SLC7A11: variants seen among roughly 807,000 people sequenced by gnomAD.
The protein encoded by SLC7A11 is solute carrier family 7 member 11.
A neutral mutation model predicts 54.5 loss-of-function variants in SLC7A11; 35 were observed. The ratio of observed to expected loss-of-function variants is 0.64; its 90% CI spans 0.49 to 0.85. The LOEUF is 0.85. Ranked by LOEUF, SLC7A11 falls within the 40% of genes least tolerant of loss-of-function variation. SLC7A11 has a pLI of 0.00. For missense variants in SLC7A11, 583 were observed against 618.1 expected, an observed-to-expected ratio of 0.94 and a Z score of 0.60; for synonymous variants, 230 against 225.2, an observed-to-expected ratio of 1.02 and a Z score of -0.19.
chr4:138,178,317 C>CT (rs2148409984), intron 11 of SLC7A11: 1 of 152,136 alleles, frequency 6.6e-6, no homozygotes, highest in African/African-American at 2.4e-5. Flanking sequence ...TTAACTCATT[C>CT]TTTTTTATGG....
rs540611841 is a variant in SLC7A11, at chr4:138,170,252, A to G, written c.*1704T>C. 0.011 allele frequency: 980 copies of G among 86,138 alleles called. 8 individuals carry two copies. Among genetic ancestry groups the G allele is most frequent in the African/African-American group, 0.027 (638 of 23,376 alleles). 5.3% of individuals were successfully genotyped at this position (86,138 alleles called of 1,614,324 possible). A position where few individuals can be genotyped will look rare whatever the true frequency, so the allele number is the denominator to read the frequency against. ...ATAAAAAGTGTGTGTGTGTGTGTGT[A>G]TATATATATATATATATATACACAC... On this transcript the variant is annotated 3_prime_UTR_variant, in exon 12 of 12. Coordinates refer to ENST00000280612, the MANE Select transcript of SLC7A11 (RefSeq NM_014331.4).
At chr4:138,234,849 G>A (rs35099716) in intron 2 of SLC7A11, among the ~76,000 whole-genome samples, 69,505 of 151,982 alleles carry the variant, frequency 0.46, 16,468 homozygotes, top group Middle Eastern at 0.62. Context: ...TCCAAAGCCC[G>A]CCAGCCTGAC....
At chr4:138,223,048 C>T in intron 4 of SLC7A11, 151 bp downstream of exon 4, 2 of 617,386 alleles carry the variant, frequency 3.2e-6, no homozygotes, top group Non-Finnish European at 5.4e-6. Context: ...CACAATGTAG[C>T]AGCCTTTCAA....
chr4:138,173,466 C>G (rs1736488204), intron 11 of SLC7A11, among the ~76,000 whole-genome samples: 1 of 151,862 alleles, frequency 6.6e-6, no homozygotes, highest in Non-Finnish European at 1.5e-5. Flanking sequence ...GAAACCCCAT[C>G]TCTACTAAAA....
chr4:138,224,864 A>G (rs1737905203), intron 3 of SLC7A11, among the ~76,000 whole-genome samples: 1 of 151,572 alleles, frequency 6.6e-6, no homozygotes, highest in Admixed American at 6.6e-5. Flanking sequence ...GGAAGGAGAA[A>G]TAGATCTGGA....
Position 138,167,696 on chromosome 4 carries a change from T to C in SLC7A11, c.*4260A>G, listed in dbSNP as rs904523916. The C allele has an allele frequency of 9.2e-5, 14 of 152,316 alleles. No homozygotes were observed. Among genetic ancestry groups the C allele is most frequent in the South Asian group, 6.2e-4 (3 of 4,828 alleles). 9.4% of individuals were successfully genotyped at this position (152,316 alleles called of 1,614,324 possible). A position where few individuals can be genotyped will look rare whatever the true frequency, so the allele number is the denominator to read the frequency against. On this transcript the variant is annotated 3_prime_UTR_variant, in exon 12 of 12. Coordinates refer to ENST00000280612, the MANE Select transcript of SLC7A11 (RefSeq NM_014331.4). ...GAGCTTCTTCCCAGTTGTTATACAA[T>C]GCCATATTTTAATTCCTGACTGAAT...
At chr4:138,240,800 A>G (rs1251302788) in intron 1 of SLC7A11, among the ~76,000 whole-genome samples, 1 of 152,180 alleles carries the variant, frequency 6.6e-6, no homozygotes, top group Non-Finnish European at 1.5e-5. Context: ...GAGTAAATAA[A>G]TCCTCATAGC....
chr4:138,226,997 T>A (rs1425336077), intron 3 of SLC7A11, among the ~76,000 whole-genome samples: 3 of 152,168 alleles, frequency 2.0e-5, no homozygotes, highest in African/African-American at 7.2e-5. Context: ...TATCTATAAA[T>A]CCTGGAGATA....
rs1295805171 is a variant in SLC7A11 at position 138,164,174 on chromosome 4, A to T, written c.*7782T>A. 6.6e-6 allele frequency: 1 copy of T among 152,592 alleles called. No individual in the cohort carries two copies. The highest frequency in any genetic ancestry group is 1.5e-5 in the Non-Finnish European group (1 of 68,006). 9.5% of individuals were successfully genotyped at this position (152,592 alleles called of 1,614,324 possible). On this transcript the variant is annotated 3_prime_UTR_variant, in exon 12 of 12. Transcript: ENST00000280612. ...TAAAATATGTACAAAAATGGTTATA[A>T]AATGGTTGAAGCAACTAGAAGCGTG...
chr4:138,171,770 CTACA>C lies in SLC7A11; in HGVS notation c.*182_*185del, dbSNP rs1736430892. ...ATAACTGCATATTCACTTTCTATAA[CTACA>C]TAGAGTTATAACTAAATTTCTTAGA... is the stretch of plus-strand genomic sequence containing the variant. On this transcript the variant is annotated 3_prime_UTR_variant, in exon 12 of 12. Coordinates refer to ENST00000280612, the MANE Select transcript of SLC7A11 (RefSeq NM_014331.4). 3 of 674,668 alleles carry C rather than the reference CTACA, an allele frequency of 4.4e-6. No individual in the cohort carries two copies. The South Asian group carries it at 6.9e-5, about 16-fold the overall frequency. The allele number at this position is 674,668 out of a possible 1,614,324, so 41.8% of individuals were successfully genotyped here.
rs1367602509 is a variant in SLC7A11, at chr4:138,164,283, T to C, written c.*7673A>G. 1 of 152,124 alleles carries C rather than the reference T, an allele frequency of 6.6e-6. No individual in the cohort carries two copies. The highest frequency in any genetic ancestry group is 1.5e-5 in the Non-Finnish European group (1 of 67,998). The allele number at this position is 152,124 out of a possible 1,614,324, so 9.4% of individuals were successfully genotyped here. A position where few individuals can be genotyped will look rare whatever the true frequency, so the allele number is the denominator to read the frequency against. ...TCATATTGCACCAAAATTTATTCCA[T>C]ACAAAAGCACATGCATCAAGAGTTT... On this transcript the variant is annotated 3_prime_UTR_variant, in exon 12 of 12. Coordinates refer to ENST00000280612, the MANE Select transcript of SLC7A11 (RefSeq NM_014331.4).
intron 9 of SLC7A11, among the ~76,000 whole-genome samples, 177 bp from the exon 10 acceptor site, chr4:138,180,967 C>T (rs1254122424): frequency 6.6e-6 from 1 of 151,922 alleles, no homozygotes; most frequent in Non-Finnish European, 1.5e-5. Flanking sequence ...TGTCATAATC[C>T]ATTTACACAC....
chr4:138,223,886 G>A (rs578135076), intron 3 of SLC7A11, among the ~76,000 whole-genome samples: 66 of 152,222 alleles, frequency 4.3e-4, no homozygotes, highest in African/African-American at 1.5e-3. Context: ...TCAACCCACC[G>A]TACAAGTATA....
chr4:138,220,365 A>G (rs531147120), intron 4 of SLC7A11, among the ~76,000 whole-genome samples: 1 of 152,292 alleles, frequency 6.6e-6, no homozygotes, highest in South Asian at 2.1e-4. Flanking sequence ...TTGAGACCAT[A>G]CAGCTAGCTT....
chr4:138,183,335 T>C (rs755321433), intron 7 of SLC7A11, 30 bp from the exon 8 acceptor site: 1 of 1,448,296 alleles, frequency 6.9e-7, no homozygotes, highest in Non-Finnish European at 9.6e-7. Context: ...AGCAAATTAA[T>C]GCCTTGCCAG....
At chr4:138,204,014 C>T (rs1737349483) in intron 6 of SLC7A11, among the ~76,000 whole-genome samples, 1 of 152,084 alleles carries the variant, frequency 6.6e-6, no homozygotes, top group African/African-American at 2.4e-5. Context: ...TCTTCTATGG[C>T]TGTATGTATG....
chr4:138,174,976 T>TC (rs1391961306), intron 11 of SLC7A11, among the ~76,000 whole-genome samples: 3 of 151,940 alleles, frequency 2.0e-5, no homozygotes, highest in Non-Finnish European at 4.4e-5. Flanking sequence ...AAGGCCATTT[T>TC]TTTTCTGGAA....
chr4:138,209,844 A>G (rs184597722), intron 6 of SLC7A11, among the ~76,000 whole-genome samples: 190 of 152,228 alleles, frequency 1.2e-3, no homozygotes, highest in Non-Finnish European at 2.3e-3. Flanking sequence ...GTTCAATGCT[A>G]TTCCTATCAA....
At chr4:138,214,845 G>GT (rs544455589) in intron 5 of SLC7A11, among the ~76,000 whole-genome samples, 118 of 152,166 alleles carry the variant, frequency 7.8e-4, no homozygotes, top group African/African-American at 2.6e-3. Context: ...TATACAAGTG[G>GT]TAAGCCCATA....
Sources: gnomAD v4.1 joint callset for allele counts (sites outside exome capture counted in the v4.1 genomes callset) on GRCh38, gnomAD v4.1.1 for gene constraint, MANE v1.5 for transcripts, NCBI Gene and HGNC (gene_info 2026-07-23, HGNC 2026-07-21) for gene names.